The following GART variants were observed in gnomAD, a reference collection of about 807,000 sequenced individuals.
GART encodes phosphoribosylglycinamide formyltransferase, phosphoribosylglycinamide synthetase, phosphoribosylaminoimidazole synthetase, also known as trifunctional purine biosynthetic protein adenosine-3.
A neutral mutation model predicts 107.2 loss-of-function variants in GART; 43 were observed. That is an observed-to-expected ratio of 0.40 (90% confidence interval 0.31 to 0.52). The LOEUF (loss-of-function observed/expected upper bound fraction) is 0.52, where lower values mean the gene tolerates loss of function less well. GART is among the 20% of genes least tolerant of loss of function. The pLI, the probability that GART is intolerant of heterozygous loss-of-function variation, is 0.52. For missense variants in GART, 1,107 were observed against 1,206.5 expected, an observed-to-expected ratio of 0.92 and a Z score of 1.22; for synonymous variants, 434 against 427.0, an observed-to-expected ratio of 1.02 and a Z score of -0.20.
chr21:33,540,169 G>C (rs150873548), intron 1 of GART, among the ~76,000 whole-genome samples: 108 of 152,270 alleles, frequency 7.1e-4, no homozygotes, highest in African/African-American at 2.4e-3. Flanking sequence ...AGCAACCAAA[G>C]ATAATACGAA....
Position 33,524,878 on chromosome 21 carries a change from T to A in GART, c.1189A>T (p.Ile397Leu). The change falls in exon 11 of 22, where the codon ATA becomes TTA. Residue 397 changes from isoleucine (I) to leucine (L), a missense_variant. Ile to Leu is a conservative substitution (Grantham distance 5). Transcript: ENST00000381815. ...LAVTAIRENL[I>L]SALEEAKKGL... Reference sequence around the variant, plus strand: ...TTCTTGGCTTCCTCAAGGGCTGATATGAGATTTTCCCGGATGGCTGTGACT... The same window carrying A: ...TTCTTGGCTTCCTCAAGGGCTGATAAGAGATTTTCCCGGATGGCTGTGACT... 6 of 1,612,222 alleles carry A rather than the reference T, an allele frequency of 3.7e-6. No homozygotes were observed. Among genetic ancestry groups the A allele is most frequent in the Non-Finnish European group, 5.1e-6 (6 of 1,178,228 alleles).
chr21:33,522,418 C>T, intron 11 of GART, 136 bp from the exon 12 acceptor site: 1 of 654,348 alleles, frequency 1.5e-6, no homozygotes, highest in South Asian at 1.9e-5. Flanking sequence ...AAGTCAGTGC[C>T]TGGGCCACAT....
In GART at chr21:33,536,082, T is replaced by C. The variant is rs867439714; in HGVS notation, c.146-762A>G. On this transcript the variant is annotated intron_variant, in intron 2 of 21. Transcript: ENST00000381815. ...AAGCAGGGTCCCTATACTTAACATG[T>C]TTACAATACGCTGTAGGAACGCTGG... Among the ~76,000 whole-genome samples the C allele has an allele frequency of 3.3e-5, 5 of 152,110 alleles. No individual in the cohort carries two copies. In the South Asian group the frequency reaches 1.0e-3, roughly 32 times the overall value.
At chr21:33,526,159 G>A (rs188384269) in intron 10 of GART, among the ~76,000 whole-genome samples, 148 of 151,588 alleles carry the variant, frequency 9.8e-4, no homozygotes, top group Non-Finnish European at 1.7e-3. Context: ...GAGCCACTGC[G>A]CCCAGCCGGG....
chr21:33,532,970 A>G (rs757153087), intron 4 of GART, among the ~76,000 whole-genome samples: 40 of 151,784 alleles, frequency 2.6e-4, no homozygotes, highest in Non-Finnish European at 5.4e-4. Context: ...TGTTTAAGAA[A>G]CTCTTTAGGA....
intron 17 of GART, 136 bp from the exon 18 acceptor site, chr21:33,510,056 C>A (rs139671928): frequency 1.1e-5 from 8 of 755,898 alleles, no homozygotes; most frequent in Middle Eastern, 3.5e-4. Flanking sequence ...CTAAAATGAA[C>A]AACACATTTG....
At chr21:33,535,001 TA>T (rs2085277069) in intron 3 of GART, among the ~76,000 whole-genome samples, 1 of 152,292 alleles carries the variant, frequency 6.6e-6, no homozygotes, top group East Asian at 1.9e-4. Context: ...TACAGCAGAA[TA>T]AAGACATATA....
chr21:33,519,870 T>A (rs2084939808), intron 14 of GART, among the ~76,000 whole-genome samples: 1 of 151,434 alleles, frequency 6.6e-6, no homozygotes, highest in African/African-American at 2.4e-5. Flanking sequence ...TGTTCCTTGA[T>A]CAACCTACAG....
At position 33,505,618 on chromosome 21, in the gene GART, C is replaced by T. The variant is rs2084664889; in HGVS notation, c.2668G>A (p.Val890Ile). The T allele has an allele frequency of 3.1e-6, 5 of 1,612,090 alleles. No individual in the cohort carries two copies. The highest frequency in any genetic ancestry group is 4.2e-6 in the Non-Finnish European group (5 of 1,179,162). Residue 890 changes from valine (V) to isoleucine (I), a missense_variant, in exon 20 of 22, where the codon GTC (valine) becomes ATC (isoleucine). Physicochemically the swap from Val to Ile is conservative, Grantham distance 29. Coordinates refer to ENST00000381815, the MANE Select transcript of GART (RefSeq NM_000819.5). ...ATTCTCATGAATCCTGCAAGACAGA[C>T]TATGTCTATGGAGAACTCTTCAAGG... ...LVLEEFSIDI[V>I]CLAGFMRILS...
intron 2 of GART, among the ~76,000 whole-genome samples, chr21:33,538,532 C>T (rs997412741): frequency 2.6e-5 from 4 of 151,978 alleles, no homozygotes; most frequent in East Asian, 1.9e-4. Flanking sequence ...TGCACGTGGC[C>T]GCAAGTTGTA....
Position 33,504,332 on chromosome 21 carries a change from A to C in GART, c.2842-17T>G. ...CACATCTTCCTGGAAAAGTAAGCAAAAGTTTTGAACATTACCTTCTAGCCA... is the reference window on the plus strand; with the variant it reads ...CACATCTTCCTGGAAAAGTAAGCAACAGTTTTGAACATTACCTTCTAGCCA... On this transcript the variant is annotated splice_polypyrimidine_tract_variant and intron_variant, in intron 21 of 21. Transcript: ENST00000381815. 1 of 1,612,824 alleles carries C rather than the reference A, an allele frequency of 6.2e-7. No homozygotes were observed. The highest frequency in any genetic ancestry group is 8.5e-7 in the Non-Finnish European group (1 of 1,179,032).
intron 11 of GART, chr21:33,523,917 A>C (rs2085018098): frequency 1.4e-6 from 1 of 700,938 alleles, no homozygotes; most frequent in Non-Finnish European, 1.7e-6. Flanking sequence ...CAGTGAGGCG[A>C]GATCATGCCA....
At chr21:33,536,092 G>A (rs1018860711) in intron 2 of GART, among the ~76,000 whole-genome samples, 2 of 151,878 alleles carry the variant, frequency 1.3e-5, no homozygotes, top group African/African-American at 4.8e-5. Context: ...TTTACAATAC[G>A]CTGTAGGAAC....
intron 7 of GART, 89 bp downstream of exon 7, chr21:33,530,670 G>GAAAAC (rs1288873477): frequency 1.0e-5 from 13 of 1,257,140 alleles, no homozygotes; most frequent in Non-Finnish European, 1.2e-5. Flanking sequence ...CAAACAAACA[G>GAAAAC]AAAACAAAAC....
Position 33,504,409 on chromosome 21 carries a change from C to T in GART, c.2841+3G>A, listed in dbSNP as rs2145666076. On this transcript the variant is annotated splice_donor_region_variant and intron_variant, in intron 21 of 21. Transcript: ENST00000381815. ...TTATGTTGGTAGAAAAAGACATACT[C>T]ACAGCTACAAAGTGTACAGTGCACC... 3 of 1,612,576 alleles carry T rather than the reference C, an allele frequency of 1.9e-6. No homozygotes were observed. The highest frequency in any genetic ancestry group is 2.5e-6 in the Non-Finnish European group (3 of 1,178,662).
At chr21:33,524,105 A>G in intron 11 of GART, 1 of 985,376 alleles carries the variant, frequency 1.0e-6, no homozygotes, top group Non-Finnish European at 1.2e-6. Flanking sequence ...AGTAATAGAT[A>G]CAAACGCAGT....
intron 8 of GART, 54 bp downstream of exon 8, chr21:33,528,795 CA>C (rs1352053617): frequency 3.3e-6 from 4 of 1,230,612 alleles, no homozygotes; most frequent in Non-Finnish European, 4.6e-6. Flanking sequence ...TAAGTTTTAT[CA>C]AAAGTAGAAA....
intron 16 of GART, among the ~76,000 whole-genome samples, chr21:33,516,755 CGAGTA>C (rs1317080278): frequency 1.3e-5 from 2 of 152,120 alleles, no homozygotes; most frequent in African/African-American, 4.8e-5. Flanking sequence ...ACCTACTTAT[CGAGTA>C]CTTCAACTTT....
intron 1 of GART, 78 bp from the exon 2 acceptor site, chr21:33,539,434 T>G (rs2085367306): frequency 3.6e-6 from 4 of 1,100,858 alleles, no homozygotes; most frequent in Non-Finnish European, 5.1e-6. Flanking sequence ...GGCTCATGCC[T>G]GTACCCCCAG....
Sources: allele counts gnomAD v4.1 joint callset (sites outside exome capture counted in the v4.1 genomes callset), GRCh38; gene constraint gnomAD v4.1.1; transcripts MANE v1.5; gene names NCBI Gene and HGNC (gene_info 2026-07-23, HGNC 2026-07-21).